PSEN2: variants seen among roughly 807,000 people sequenced by gnomAD.
The protein encoded by PSEN2 is presenilin-2.
A neutral mutation model predicts 49.1 loss-of-function variants in PSEN2; 32 were observed. The observed-to-expected ratio is 0.65, with a 90% confidence interval of 0.49 to 0.88. PSEN2 has a LOEUF of 0.88. Ranked by LOEUF, PSEN2 falls within the 40% of genes least tolerant of loss-of-function variation. The pLI, the probability that PSEN2 is intolerant of heterozygous loss-of-function variation, is 0.00. For missense variants in PSEN2, 522 were observed against 586.9 expected, an observed-to-expected ratio of 0.89 and a Z score of 1.14; for synonymous variants, 255 against 244.0, an observed-to-expected ratio of 1.05 and a Z score of -0.42.
intron 2 of PSEN2, among the ~76,000 whole-genome samples, chr1:226,872,604 A>T (rs1428358233): frequency 3.3e-5 from 5 of 152,298 alleles, no homozygotes; most frequent in East Asian, 1.9e-4. Flanking sequence ...AACAAACAAA[A>T]TTTTTTTAAA....
At chr1:226,874,009 C>G (rs1282671163) in intron 2 of PSEN2, among the ~76,000 whole-genome samples, 1 of 152,176 alleles carries the variant, frequency 6.6e-6, no homozygotes, top group African/African-American at 2.4e-5. Flanking sequence ...TGGGCACTCC[C>G]CACCATGGAG....
intron 12 of PSEN2, among the ~76,000 whole-genome samples, chr1:226,902,121 G>C (rs949277926): frequency 8.5e-5 from 13 of 152,126 alleles, no homozygotes; most frequent in African/African-American, 3.1e-4. Context: ...GGGTTGGGGG[G>C]ATGATTTGGA....
At chr1:226,888,049 C>T (rs200506152) in intron 6 of PSEN2, 42 bp from the exon 7 acceptor site, 140 of 1,538,974 alleles carry the variant, frequency 9.1e-5, no homozygotes, top group Non-Finnish European at 1.2e-4. Flanking sequence ...GAATTTGTGG[C>T]GCTTGGGGAC....
At chr1:226,883,975 T>TGGGGGCTGCGTGGCCTGGGGGG in intron 5 of PSEN2, 56 bp downstream of exon 5, 1 of 129,696 alleles carries the variant, frequency 7.7e-6, no homozygotes, top group Non-Finnish European at 1.5e-5. Context: ...TGCCAGGGGG[T>TGGGGGCTGCGTGGCCTGGGGGG]GGGGGGCGCA....
chr1:226,890,465 G>A (rs541000538), intron 9 of PSEN2: 2 of 358,210 alleles, frequency 5.6e-6, no homozygotes, highest in African/African-American at 4.2e-5. Context: ...CTTTGGAGAG[G>A]GATTCTTCAG....
intron 10 of PSEN2, 124 bp downstream of exon 10, chr1:226,891,485 G>C: frequency 1.1e-6 from 1 of 892,378 alleles, no homozygotes; most frequent in Non-Finnish European, 1.7e-6. Flanking sequence ...GGAAAGGTCC[G>C]TTGAAAACCA....
intron 2 of PSEN2, among the ~76,000 whole-genome samples, chr1:226,874,861 A>G (rs1660535903): frequency 6.6e-6 from 1 of 152,214 alleles, no homozygotes; most frequent in Admixed American, 6.5e-5. Flanking sequence ...GAACCCTGTC[A>G]GTCTCCAAAG....
At chr1:226,892,028 AGTT>A (rs1446367564) in intron 11 of PSEN2, among the ~76,000 whole-genome samples, 184 bp downstream of exon 11, 1 of 152,166 alleles carries the variant, frequency 6.6e-6, no homozygotes, top group East Asian at 1.9e-4. Flanking sequence ...GGCCCCATGT[AGTT>A]GTCCGGCATG....
chr1:226,891,153 C>A lies in PSEN2; in HGVS notation c.887-125C>A, dbSNP rs985295038. On this transcript the variant is annotated intron_variant, in intron 9 of 12. Transcript: ENST00000366783. ...CGGCCTCCTAACAATGGAGCATGAGCAGATACCTGCAGGATGGAGGGTCCT... is the reference window on the plus strand; with the variant it reads ...CGGCCTCCTAACAATGGAGCATGAGAAGATACCTGCAGGATGGAGGGTCCT... The A allele has an allele frequency of 1.2e-5, 9 of 770,454 alleles. No homozygotes were observed. The Admixed American group carries it at 1.8e-4, about 16-fold the overall frequency. The allele number at this position is 770,454 out of a possible 1,614,324, so 47.7% of individuals were successfully genotyped here.
intron 11 of PSEN2, 74 bp downstream of exon 11, chr1:226,891,918 A>C (rs900945278): frequency 7.2e-7 from 1 of 1,385,376 alleles, no homozygotes; most frequent in Non-Finnish European, 1.0e-6. Context: ...GGCTCCCTGC[A>C]GCCTGGGTGG....
chr1:226,895,392 A>AC, intron 12 of PSEN2, 32 bp from the exon 13 acceptor site: 1 of 1,613,264 alleles, frequency 6.2e-7, no homozygotes, highest in South Asian at 1.1e-5. Flanking sequence ...ACCAGGGATC[A>AC]CCACGCTCAC....
intron 5 of PSEN2, among the ~76,000 whole-genome samples, 156 bp from the exon 6 acceptor site, chr1:226,885,382 C>T (rs960201489): frequency 9.2e-5 from 14 of 152,178 alleles, no homozygotes; most frequent in Non-Finnish European, 1.9e-4. Flanking sequence ...AGGACAGGAA[C>T]TGCTCATGGG....
intron 2 of PSEN2, among the ~76,000 whole-genome samples, chr1:226,872,365 A>G (rs1660358478): frequency 6.6e-6 from 1 of 152,244 alleles, no homozygotes; most frequent in African/African-American, 2.4e-5. Context: ...TGACACTGAA[A>G]TAGTTTATTA....
chr1:226,873,460 G>C (rs1660435293), intron 2 of PSEN2, among the ~76,000 whole-genome samples: 1 of 152,118 alleles, frequency 6.6e-6, no homozygotes, highest in Non-Finnish European at 1.5e-5. Context: ...TTGTTGCCCA[G>C]GCTGGAGTGC....
chr1:226,885,756 G>T, intron 6 of PSEN2, 77 bp downstream of exon 6: 1 of 1,573,494 alleles, frequency 6.4e-7, no homozygotes, highest in South Asian at 1.1e-5. Flanking sequence ...CCGTGAAACA[G>T]CCGCCTTTAG....
intron 11 of PSEN2, among the ~76,000 whole-genome samples, chr1:226,892,358 C>T (rs965349248): frequency 6.6e-6 from 1 of 152,140 alleles, no homozygotes. Flanking sequence ...TCAGAGGAAG[C>T]CGGGGCGGGA....
At chr1:226,881,535 C>T (rs1660987887) in intron 3 of PSEN2, among the ~76,000 whole-genome samples, 2 of 152,142 alleles carry the variant, frequency 1.3e-5, no homozygotes, top group Admixed American at 1.3e-4. Flanking sequence ...ATCTTTTTAT[C>T]CCCAGAGCCC....
At position 226,883,771 on chromosome 1, in the gene PSEN2, G is replaced by A. The variant is rs139972151; in HGVS notation, c.208G>A (p.Gly70Arg). The A allele has an allele frequency of 4.7e-5, 76 of 1,614,072 alleles. No individual in the cohort carries two copies. The highest frequency in any genetic ancestry group is 5.8e-5 in the Non-Finnish European group (69 of 1,180,054). ...PDRYVCSGVP[G>R]RPPGLEEELT... Reference sequence around the variant, plus strand: ...CCGCTATGTCTGTAGTGGGGTTCCCGGGCGGCCGCCAGGCCTGGAGGAAGA... The same window carrying A: ...CCGCTATGTCTGTAGTGGGGTTCCCAGGCGGCCGCCAGGCCTGGAGGAAGA... Residue 70 changes from glycine (G) to arginine (R), a missense_variant, in exon 5 of 13, where the codon GGG becomes AGG. Transcript: ENST00000366783.
At chr1:226,883,093 C>T (rs1353780121) in intron 4 of PSEN2, among the ~76,000 whole-genome samples, 1 of 152,138 alleles carries the variant, frequency 6.6e-6, no homozygotes. Context: ...CCTGCCCTCC[C>T]TCGTTACCTC....
Sources: gnomAD v4.1 joint callset for allele counts (sites outside exome capture counted in the v4.1 genomes callset) on GRCh38, gnomAD v4.1.1 for gene constraint, MANE v1.5 for transcripts, NCBI Gene and HGNC (gene_info 2026-07-23, HGNC 2026-07-21) for gene names.